Variants in RASAL2 observed in about 807,000 individuals in gnomAD.
The protein encoded by RASAL2 is RAS protein activator like 2, also known as ras GTPase-activating protein nGAP.
In RASAL2, 58 loss-of-function variants were observed where a neutral mutation model predicts 128.9. That is an observed-to-expected ratio of 0.45 (90% CI 0.36 to 0.56). The LOEUF (loss-of-function observed/expected upper bound fraction) is 0.56, where lower values mean the gene tolerates loss of function less well. Among genes scored for constraint, RASAL2 ranks in the 20% least tolerant of loss-of-function variants. The probability of loss-of-function intolerance (pLI) is 0.00; values close to 1 mark genes in which losing one functional copy is unlikely to be tolerated. For synonymous variants in RASAL2, 561 were observed against 580.8 expected, an observed-to-expected ratio of 0.97 and a Z score of 0.49; for missense variants, 1,360 against 1,601.6, an observed-to-expected ratio of 0.85 and a Z score of 2.57.
intron 4 of RASAL2, among the ~76,000 whole-genome samples, chr1:178,390,963 T>C (rs1672869956): frequency 6.6e-6 from 1 of 152,148 alleles, no homozygotes; most frequent in Non-Finnish European, 1.5e-5. Flanking sequence ...GCAGACTAAA[T>C]TCACAGAGAA....
At chr1:178,183,618 T>C (rs912672623) in intron 1 of RASAL2, among the ~76,000 whole-genome samples, 2 of 152,232 alleles carry the variant, frequency 1.3e-5, no homozygotes, top group Non-Finnish European at 1.5e-5. Context: ...ACTCCTTTCA[T>C]GTAGTAATAT....
intron 1 of RASAL2, among the ~76,000 whole-genome samples, chr1:178,234,079 G>A (rs1664130095): frequency 6.6e-6 from 1 of 152,158 alleles, no homozygotes; most frequent in Non-Finnish European, 1.5e-5. Flanking sequence ...AGCAAGAAGT[G>A]AATGGATTTG....
chr1:178,319,028 T>G (rs1200495732), intron 3 of RASAL2, among the ~76,000 whole-genome samples: 4 of 152,166 alleles, frequency 2.6e-5, no homozygotes, highest in Non-Finnish European at 5.9e-5. Flanking sequence ...GTCTGTAAAG[T>G]ATTTTGTTTC....
At chr1:178,464,567 G>GGT (rs58822651) in intron 15 of RASAL2, among the ~76,000 whole-genome samples, 155 bp downstream of exon 15, 13,079 of 145,006 alleles carry the variant, frequency 0.09, 596 homozygotes, top group African/African-American at 0.097. Context: ...ATAGGTCAGT[G>GGT]GTGTGTGTGT....
At chr1:178,300,782 G>A (rs1341999585) in intron 3 of RASAL2, among the ~76,000 whole-genome samples, 1 of 152,016 alleles carries the variant, frequency 6.6e-6, no homozygotes, top group Non-Finnish European at 1.5e-5. Flanking sequence ...TTTAATAATG[G>A]ATATTTAAAT....
At chr1:178,408,974 A>G (rs1196134203) in intron 4 of RASAL2, among the ~76,000 whole-genome samples, 1 of 152,074 alleles carries the variant, frequency 6.6e-6, no homozygotes, top group Admixed American at 6.6e-5. Flanking sequence ...TTATGAAGAG[A>G]GAGGTTTGAC....
intron 1 of RASAL2, among the ~76,000 whole-genome samples, chr1:178,247,257 C>T (rs1409873088): frequency 6.6e-6 from 1 of 152,060 alleles, no homozygotes; most frequent in Non-Finnish European, 1.5e-5. Flanking sequence ...TGTTATTGGT[C>T]TATTCAGGGA....
intron 3 of RASAL2, among the ~76,000 whole-genome samples, chr1:178,384,226 T>G (rs910662025): frequency 3.3e-5 from 5 of 152,214 alleles, no homozygotes; most frequent in Admixed American, 6.5e-5. Flanking sequence ...CCAAAGAAAC[T>G]GCATCTGTGA....
At chr1:178,347,408 T>A (rs1222519014) in intron 3 of RASAL2, among the ~76,000 whole-genome samples, 1 of 152,218 alleles carries the variant, frequency 6.6e-6, no homozygotes, top group Non-Finnish European at 1.5e-5. Flanking sequence ...TTATGTTACA[T>A]TTTCTCTGAT....
chr1:178,165,933 T>G (rs896669761), intron 1 of RASAL2, among the ~76,000 whole-genome samples: 40 of 152,190 alleles, frequency 2.6e-4, no homozygotes, highest in Admixed American at 2.2e-3. Context: ...CATAGATGAG[T>G]AGATAGCGGG....
At chr1:178,338,096 G>A (rs1403007768) in intron 3 of RASAL2, among the ~76,000 whole-genome samples, 2 of 151,460 alleles carry the variant, frequency 1.3e-5, no homozygotes, top group Non-Finnish European at 2.9e-5. Flanking sequence ...AAAAGATCAT[G>A]CATTTATGGT....
chr1:178,409,398 TCTA>T (rs1674213892), intron 4 of RASAL2, among the ~76,000 whole-genome samples: 1 of 152,070 alleles, frequency 6.6e-6, no homozygotes, highest in Non-Finnish European at 1.5e-5. Flanking sequence ...GGGCACGTAA[TCTA>T]GGGCAGGGTC....
At chr1:178,208,758 C>T (rs1663150989) in intron 1 of RASAL2, among the ~76,000 whole-genome samples, 4 of 152,228 alleles carry the variant, frequency 2.6e-5, no homozygotes, top group Admixed American at 2.6e-4. Flanking sequence ...ATTACACCCC[C>T]TTCCCTTTTG....
intron 3 of RASAL2, among the ~76,000 whole-genome samples, chr1:178,328,150 T>A (rs2102358553): frequency 6.6e-6 from 1 of 152,338 alleles, no homozygotes; most frequent in South Asian, 2.1e-4. Flanking sequence ...CATCTGGTTA[T>A]TTTTTCTGCT....
intron 1 of RASAL2, among the ~76,000 whole-genome samples, chr1:178,237,074 C>T (rs928284301): frequency 1.3e-5 from 2 of 151,944 alleles, no homozygotes; most frequent in Non-Finnish European, 2.9e-5. Flanking sequence ...TCCCTGAGTA[C>T]TTTAAATGCA....
intron 3 of RASAL2, among the ~76,000 whole-genome samples, chr1:178,342,737 A>G (rs927406648): frequency 6.6e-6 from 1 of 152,192 alleles, no homozygotes; most frequent in African/African-American, 2.4e-5. Flanking sequence ...AGCAAATCGT[A>G]TTCACTGCCT....
At chr1:178,372,204 A>C (rs1461921595) in intron 3 of RASAL2, 1 of 985,096 alleles carries the variant, frequency 1.0e-6, no homozygotes, top group African/African-American at 1.7e-5. Context: ...ATCATTCAGT[A>C]ATTGTGCTCT....
intron 1 of RASAL2, among the ~76,000 whole-genome samples, chr1:178,179,478 G>C: frequency 6.6e-6 from 1 of 152,186 alleles, no homozygotes; most frequent in East Asian, 1.9e-4. Context: ...AGGGAAGAAA[G>C]AGGTAGAGGA....
At chr1:178,193,757 C>T (rs894271201) in intron 1 of RASAL2, among the ~76,000 whole-genome samples, 14 of 143,672 alleles carry the variant, frequency 9.7e-5, no homozygotes, top group Non-Finnish European at 1.7e-4. Context: ...CATAATTTAC[C>T]ACGAGTACTT....
Sources: allele counts gnomAD v4.1 joint callset (sites outside exome capture counted in the v4.1 genomes callset), GRCh38; gene constraint gnomAD v4.1.1; transcripts MANE v1.5; gene names NCBI Gene and HGNC (gene_info 2026-07-23, HGNC 2026-07-21).